The following KAZN variants were observed in gnomAD, a reference collection of about 807,000 sequenced individuals.
KAZN encodes kazrin, periplakin interacting protein.
A neutral mutation model predicts 87.4 loss-of-function variants in KAZN; 40 were observed. That is an observed-to-expected ratio of 0.46 (90% CI 0.36 to 0.60). The LOEUF (loss-of-function observed/expected upper bound fraction) is 0.60. KAZN is among the 20% of genes least tolerant of loss of function. KAZN has a pLI of 0.00. For synonymous variants in KAZN, 466 were observed against 458.3 expected, an observed-to-expected ratio of 1.02 and a Z score of -0.22; for missense variants, 898 against 1,073.9, an observed-to-expected ratio of 0.84 and a Z score of 2.29.
At chr1:14,494,660 T>C (rs1669848498) in intron 2 of KAZN, among the ~76,000 whole-genome samples, 1 of 152,166 alleles carries the variant, frequency 6.6e-6, no homozygotes, top group African/African-American at 2.4e-5. Context: ...CCCCACTGCC[T>C]TACTTCTGAC....
chr1:14,543,845 A>C (rs1289064573), intron 2 of KAZN, among the ~76,000 whole-genome samples: 3 of 152,218 alleles, frequency 2.0e-5, no homozygotes, highest in Non-Finnish European at 4.4e-5. Context: ...ATAAGGAATA[A>C]GATTATTAGA....
chr1:14,883,341 A>AGAGAAAGAAAG (rs1553150560), intron 1 of KAZN, among the ~76,000 whole-genome samples: 2 of 29,510 alleles, frequency 6.8e-5, no homozygotes, highest in Non-Finnish European at 7.7e-5. Flanking sequence ...AGAGAGAGAG[A>AGAGAAAGAAAG]GAAAGAAAGA....
At chr1:13,929,748 A>G (rs1216439412) in intron 1 of KAZN, among the ~76,000 whole-genome samples, 1 of 152,228 alleles carries the variant, frequency 6.6e-6, no homozygotes, top group Non-Finnish European at 1.5e-5. Context: ...TTTCTGGGAA[A>G]AGATCCAATG....
intron 1 of KAZN, among the ~76,000 whole-genome samples, chr1:14,041,890 G>A (rs924527640): frequency 6.6e-6 from 1 of 152,170 alleles, no homozygotes; most frequent in East Asian, 1.9e-4. Flanking sequence ...TGAAGGTATT[G>A]TTTAATTTTT....
At chr1:14,552,771 A>G (rs753642864) in intron 2 of KAZN, among the ~76,000 whole-genome samples, 17 of 152,232 alleles carry the variant, frequency 1.1e-4, no homozygotes, top group Non-Finnish European at 2.2e-4. Flanking sequence ...ACTATTTACC[A>G]TGAGTCAGGC....
At chr1:14,038,926 G>T (rs1641679226) in intron 1 of KAZN, among the ~76,000 whole-genome samples, 1 of 152,180 alleles carries the variant, frequency 6.6e-6, no homozygotes, top group Non-Finnish European at 1.5e-5. Flanking sequence ...AGCACTTTGG[G>T]AGGCTGAGGC....
At chr1:14,210,578 T>C (rs1362613274) in intron 2 of KAZN, among the ~76,000 whole-genome samples, 1 of 152,194 alleles carries the variant, frequency 6.6e-6, no homozygotes, top group Non-Finnish European at 1.5e-5. Context: ...TCAAACTTTT[T>C]GGTTAGAACT....
rs567250913 is a variant in KAZN at position 14,851,919 on chromosome 1, G to C, written c.227-108765G>C. Among the ~76,000 whole-genome samples, 24 of 152,316 alleles carry C rather than the reference G, an allele frequency of 1.6e-4. No homozygotes were observed. The East Asian group carries it at 4.6e-3, about 29-fold the overall frequency. ...TAGTCCAGCTCACCCGGAATCCTCA[G>C]GGCCTAGACATGGAGACCCAGGTCC... is the stretch of plus-strand genomic sequence containing the variant. On this transcript the variant is annotated intron_variant, in intron 1 of 14. Coordinates refer to ENST00000376030, the MANE Select transcript of KAZN (RefSeq NM_201628.3).
intron 2 of KAZN, among the ~76,000 whole-genome samples, chr1:14,457,135 T>C (rs1667608770): frequency 6.6e-6 from 1 of 152,214 alleles, no homozygotes; most frequent in Non-Finnish European, 1.5e-5. Context: ...TACAGCTGAA[T>C]GGCTGTCCAA....
intron 1 of KAZN, among the ~76,000 whole-genome samples, chr1:14,915,530 G>T (rs1657712871): frequency 6.6e-6 from 1 of 152,204 alleles, no homozygotes. Flanking sequence ...AGTTCCGCTA[G>T]TAGCCACCAG....
intron 2 of KAZN, among the ~76,000 whole-genome samples, chr1:14,283,739 T>C (rs1157149634): frequency 6.6e-6 from 1 of 152,200 alleles, no homozygotes; most frequent in East Asian, 1.9e-4. Flanking sequence ...CTCCTAGGTA[T>C]GTACCCAAGA....
intron 1 of KAZN, among the ~76,000 whole-genome samples, chr1:14,655,391 A>G (rs959066600): frequency 2.6e-5 from 4 of 152,202 alleles, no homozygotes; most frequent in Admixed American, 2.0e-4. Flanking sequence ...CGATAAATTT[A>G]TATCCCTACC....
chr1:14,640,687 C>T (rs1003567718), intron 1 of KAZN, among the ~76,000 whole-genome samples: 1 of 152,210 alleles, frequency 6.6e-6, no homozygotes, highest in African/African-American at 2.4e-5. Context: ...AAGGTGCAAC[C>T]TGGGCTCTAG....
chr1:14,576,055 G>A (rs1675157953), intron 2 of KAZN, among the ~76,000 whole-genome samples: 1 of 152,144 alleles, frequency 6.6e-6, no homozygotes, highest in Admixed American at 6.5e-5. Context: ...GGAGTGGTAG[G>A]AAAAAGAGCC....
chr1:14,389,391 A>G lies in KAZN; in HGVS notation c.249+208799A>G, dbSNP rs1662226169. On this transcript the variant is annotated intron_variant, in intron 2 of 16. Transcript: ENST00000636203. ...GAAAGGAAATCTGTATATCAAAGTG[A>G]TATCTGCACTCCGGTGTTTGTTGCA... Among the ~76,000 whole-genome samples the G allele has an allele frequency of 4.6e-5, 7 of 152,238 alleles. No individual in the cohort carries two copies. The South Asian group carries it at 1.2e-3, about 27-fold the overall frequency.
At chr1:14,848,954 C>T (rs1426730433) in intron 1 of KAZN, among the ~76,000 whole-genome samples, 3 of 152,116 alleles carry the variant, frequency 2.0e-5, no homozygotes, top group Non-Finnish European at 4.4e-5. Flanking sequence ...CTAGAGGGGC[C>T]GGATGCTGCG....
chr1:14,086,702 A>G (rs951028637), intron 1 of KAZN, among the ~76,000 whole-genome samples: 1 of 152,174 alleles, frequency 6.6e-6, no homozygotes, highest in African/African-American at 2.4e-5. Flanking sequence ...TTTAGCTTTT[A>G]CATTTAGGTC....
chr1:14,433,198 A>T (rs866040664), intron 2 of KAZN, among the ~76,000 whole-genome samples: 4 of 152,158 alleles, frequency 2.6e-5, no homozygotes, highest in Non-Finnish European at 4.4e-5. Flanking sequence ...GCCAGTCAAG[A>T]TCCAGAGCTT....
At chr1:14,543,975 T>A (rs1406094610) in intron 2 of KAZN, among the ~76,000 whole-genome samples, 1 of 152,226 alleles carries the variant, frequency 6.6e-6, no homozygotes, top group Non-Finnish European at 1.5e-5. Context: ...TCTAAGATTG[T>A]GTCTAAACAC....
Sources: allele counts gnomAD v4.1 joint callset (sites outside exome capture counted in the v4.1 genomes callset), GRCh38; gene constraint gnomAD v4.1.1; transcripts MANE v1.5; gene names NCBI Gene and HGNC (gene_info 2026-07-23, HGNC 2026-07-21).